Variants in CNTN5 observed in about 807,000 individuals in gnomAD.
CNTN5 encodes contactin 5, also known as contactin-5.
A neutral mutation model predicts 129.1 loss-of-function variants in CNTN5; 77 were observed. The ratio of observed to expected loss-of-function variants is 0.60; its 90% confidence interval spans 0.50 to 0.72. CNTN5 has a LOEUF of 0.72. Among genes scored for constraint, CNTN5 ranks in the 30% least tolerant of loss-of-function variants. The pLI is 0.00. For missense variants in CNTN5, 1,478 were observed against 1,328.8 expected (o/e 1.11, Z -1.75); for synonymous variants, 509 against 465.6 (o/e 1.09, Z -1.20).
intron 1 of CNTN5, among the ~76,000 whole-genome samples, chr11:99,223,022 C>A (rs1860480281): frequency 6.6e-6 from 1 of 152,088 alleles, no homozygotes; most frequent in African/African-American, 2.4e-5. Flanking sequence ...ATGCCTTCAT[C>A]TTTTCTTTTC....
intron 3 of CNTN5, among the ~76,000 whole-genome samples, chr11:99,775,988 T>C (rs910239587): frequency 1.3e-5 from 2 of 152,092 alleles, no homozygotes; most frequent in Non-Finnish European, 2.9e-5. Context: ...TAGTTCTTTA[T>C]AGTCATATCT....
intron 2 of CNTN5, among the ~76,000 whole-genome samples, chr11:99,392,577 G>C (rs1258640260): frequency 6.6e-6 from 1 of 151,750 alleles, no homozygotes; most frequent in Non-Finnish European, 1.5e-5. Flanking sequence ...AATTACTTTA[G>C]ATATAATTAT....
chr11:99,054,870 C>T (rs1864568164), intron 1 of CNTN5, among the ~76,000 whole-genome samples: 1 of 151,808 alleles, frequency 6.6e-6, no homozygotes, highest in African/African-American at 2.4e-5. Flanking sequence ...TTTAAGTGCT[C>T]AGTTTATTGT....
At chr11:99,806,174 C>T (rs1011910896) in intron 3 of CNTN5, among the ~76,000 whole-genome samples, 1 of 152,144 alleles carries the variant, frequency 6.6e-6, no homozygotes, top group Non-Finnish European at 1.5e-5. Flanking sequence ...TATTCACTGA[C>T]TTTCTCCCTC....
intron 1 of CNTN5, among the ~76,000 whole-genome samples, chr11:99,199,070 T>C (rs545496312): frequency 9.2e-4 from 140 of 152,286 alleles, no homozygotes; most frequent in African/African-American, 3.3e-3. Context: ...AATGATTGTA[T>C]GGAAAGACAG....
At chr11:99,227,814 G>A (rs1860772037) in intron 1 of CNTN5, among the ~76,000 whole-genome samples, 3 of 151,974 alleles carry the variant, frequency 2.0e-5, no homozygotes, top group African/African-American at 7.3e-5. Flanking sequence ...TTCAATTCAG[G>A]GATATGTGAT....
intron 13 of CNTN5, among the ~76,000 whole-genome samples, chr11:100,123,083 A>G (rs934272112): frequency 2.6e-5 from 4 of 152,004 alleles, no homozygotes; most frequent in Non-Finnish European, 4.4e-5. Context: ...ACATTATATA[A>G]ATAGTTTACC....
chr11:99,339,112 T>C (rs79674451), intron 2 of CNTN5, among the ~76,000 whole-genome samples: 12,395 of 151,390 alleles, frequency 0.082, 586 homozygotes, highest in Middle Eastern at 0.13. Flanking sequence ...TATTTCACAT[T>C]GCATGCCTAT....
intron 7 of CNTN5, among the ~76,000 whole-genome samples, chr11:99,945,674 T>C (rs1950540019): frequency 6.6e-6 from 1 of 152,056 alleles, no homozygotes. Flanking sequence ...GAAGAGGCCC[T>C]ATAAACAAGC....
intron 2 of CNTN5, among the ~76,000 whole-genome samples, chr11:99,399,532 AGATAAGAGCC>A (rs911918951): frequency 6.6e-6 from 1 of 151,820 alleles, no homozygotes; most frequent in African/African-American, 2.4e-5. Flanking sequence ...CATTATCTAA[AGATAAGAGCC>A]GATTATGTAA....
intron 1 of CNTN5, among the ~76,000 whole-genome samples, chr11:99,061,729 C>T (rs956387066): frequency 6.6e-6 from 1 of 152,006 alleles, no homozygotes; most frequent in Non-Finnish European, 1.5e-5. Flanking sequence ...AGTGGCCCCA[C>T]GGCTGTTATC....
chr11:100,184,667 C>T (rs571980025), intron 13 of CNTN5, among the ~76,000 whole-genome samples: 23 of 152,074 alleles, frequency 1.5e-4, no homozygotes, highest in African/African-American at 4.1e-4. Flanking sequence ...ATTAAGCCCA[C>T]CCCCCCAGAC....
intron 2 of CNTN5, among the ~76,000 whole-genome samples, chr11:99,450,777 T>TTTG (rs1944272236): frequency 6.6e-6 from 1 of 150,470 alleles, no homozygotes; most frequent in Non-Finnish European, 1.5e-5. Flanking sequence ...AGTTTTTTTT[T>TTTG]TTTTTTTTTT....
chr11:99,902,841 A>G (rs945175796), intron 6 of CNTN5, among the ~76,000 whole-genome samples: 9 of 152,154 alleles, frequency 5.9e-5, no homozygotes, highest in African/African-American at 2.2e-4. Context: ...AACTTTCTGA[A>G]ATAATTAAAA....
Position 99,737,651 on chromosome 11 carries a change from A to G in CNTN5, c.56-81893A>G, listed in dbSNP as rs575407371. ...TTCCAAATAACTGTAATTTGAATAT[A>G]TATTTTCTATGAGGCATAATTTATT... On this transcript the variant is annotated intron_variant, in intron 3 of 24. Transcript: ENST00000524871. Among the ~76,000 whole-genome samples, 26 of 152,292 alleles carry G rather than the reference A, an allele frequency of 1.7e-4. No homozygotes were observed. In the East Asian group the frequency reaches 1.7e-3, roughly 10 times the overall value.
intron 13 of CNTN5, among the ~76,000 whole-genome samples, chr11:100,093,863 G>A (rs1479371933): frequency 6.6e-6 from 1 of 152,050 alleles, no homozygotes. Context: ...TAGTGCCTAA[G>A]TAACTCTCAT....
At chr11:99,236,049 A>G (rs1334773701) in intron 1 of CNTN5, among the ~76,000 whole-genome samples, 2 of 152,196 alleles carry the variant, frequency 1.3e-5, no homozygotes, top group Non-Finnish European at 1.5e-5. Context: ...CATTGTCAAT[A>G]TACTTCTAAT....
At chr11:99,778,291 T>A (rs1591155014) in intron 3 of CNTN5, among the ~76,000 whole-genome samples, 1 of 151,754 alleles carries the variant, frequency 6.6e-6, no homozygotes, top group East Asian at 2.0e-4. Flanking sequence ...CTGAGAAGTG[T>A]TGTCATCTTG....
chr11:99,549,422 G>C (rs1242311398), intron 2 of CNTN5, among the ~76,000 whole-genome samples: 1 of 151,904 alleles, frequency 6.6e-6, no homozygotes, highest in Non-Finnish European at 1.5e-5. Context: ...CTTTGGTTTT[G>C]GTCCCCCACT....
Sources: allele counts gnomAD v4.1 joint callset (sites outside exome capture counted in the v4.1 genomes callset), GRCh38; gene constraint gnomAD v4.1.1; transcripts MANE v1.5; gene names NCBI Gene and HGNC (gene_info 2026-07-23, HGNC 2026-07-21).